Variants in ZFP2 observed in about 807,000 individuals in gnomAD.
The protein encoded by ZFP2 is ZFP2 zinc finger protein.
In ZFP2, 33 loss-of-function variants were observed where a neutral mutation model predicts 36.1. That is an observed-to-expected ratio of 0.92 (90% CI 0.69 to 1.22). The LOEUF (loss-of-function observed/expected upper bound fraction) is 1.22, where lower values mean the gene tolerates loss of function less well. Among genes scored for constraint, ZFP2 ranks in the 50% most tolerant of loss-of-function variants. The probability of loss-of-function intolerance (pLI) is 0.00; values close to 1 mark genes in which losing one functional copy is unlikely to be tolerated. For synonymous variants in ZFP2, 170 were observed against 178.0 expected, an observed-to-expected ratio of 0.96 and a Z score of 0.36; for missense variants, 522 against 551.4, an observed-to-expected ratio of 0.95 and a Z score of 0.53.
intron 1 of ZFP2, among the ~76,000 whole-genome samples, chr5:178,909,324 C>T (rs1329717831): frequency 6.6e-6 from 1 of 152,224 alleles, no homozygotes; most frequent in African/African-American, 2.4e-5. Flanking sequence ...GAACATGTTC[C>T]ATATGCTTCA....
At chr5:178,923,970 A>G (rs1758612220) in intron 4 of ZFP2, among the ~76,000 whole-genome samples, 1 of 149,400 alleles carries the variant, frequency 6.7e-6, no homozygotes, top group African/African-American at 2.4e-5. Flanking sequence ...TGACTGTTCA[A>G]CAAAAACCTA....
At chr5:178,921,862 A>G (rs1218762507) in intron 4 of ZFP2, among the ~76,000 whole-genome samples, 2 of 149,450 alleles carry the variant, frequency 1.3e-5, no homozygotes, top group Non-Finnish European at 3.0e-5. Context: ...GTTCGGGTTT[A>G]TCAGTGGAAG....
At chr5:178,897,041 T>C (rs918765259) in intron 1 of ZFP2, among the ~76,000 whole-genome samples, 2 of 102,700 alleles carry the variant, frequency 1.9e-5, no homozygotes, top group Admixed American at 8.6e-5. Context: ...TTTTCTTTTT[T>C]CTTTTTTTTT....
intron 1 of ZFP2, chr5:178,909,748 T>C (rs1758249329): frequency 1.3e-6 from 2 of 1,558,046 alleles, no homozygotes. Context: ...GGCCTTGAGC[T>C]GAGTGCACCT....
At chr5:178,896,389 G>A (rs1455776201) in intron 1 of ZFP2, among the ~76,000 whole-genome samples, 2 of 152,008 alleles carry the variant, frequency 1.3e-5, no homozygotes, top group Non-Finnish European at 2.9e-5. Flanking sequence ...GCTTTGTCCC[G>A]GGACACGCTG....
At chr5:178,911,441 G>A (rs1758296512) in intron 1 of ZFP2, among the ~76,000 whole-genome samples, 2 of 151,834 alleles carry the variant, frequency 1.3e-5, no homozygotes, top group Admixed American at 6.6e-5. Context: ...CTCTACCTTC[G>A]CCACCCCTGA....
chr5:178,916,313 G>A (rs1758430318), intron 3 of ZFP2, among the ~76,000 whole-genome samples: 1 of 152,322 alleles, frequency 6.6e-6, no homozygotes, highest in Admixed American at 6.5e-5. Flanking sequence ...AAGTGAAGAG[G>A]AAGCAAGCAA....
At chr5:178,928,835 G>T (rs1214733824) in intron 4 of ZFP2, among the ~76,000 whole-genome samples, 2 of 152,232 alleles carry the variant, frequency 1.3e-5, no homozygotes, top group South Asian at 4.1e-4. Flanking sequence ...CACTGCCCTA[G>T]TATAGGTTCT....
chr5:178,916,995 C>A (rs1483480386), intron 4 of ZFP2, among the ~76,000 whole-genome samples: 1 of 152,098 alleles, frequency 6.6e-6, no homozygotes, highest in Non-Finnish European at 1.5e-5. Flanking sequence ...TCCTGTTTTA[C>A]AAAAGATGAA....
Position 178,918,131 on chromosome 5 carries a change from C to G in ZFP2, c.-78+1421C>G, listed in dbSNP as rs987604129. ...AGGTATACCACTTACTTATTGTCTC[C>G]CTTTCTCTTGCTAAAATATGTTTCA... On this transcript the variant is annotated intron_variant, in intron 4 of 4. Transcript: ENST00000361362. Among the ~76,000 whole-genome samples, 4 of 152,130 alleles carry G rather than the reference C, an allele frequency of 2.6e-5. No individual in the cohort carries two copies. The East Asian group carries it at 7.7e-4, about 29-fold the overall frequency.
Position 178,931,236 on chromosome 5 carries a change from G to A in ZFP2, c.-77-1G>A. The A allele has an allele frequency of 6.7e-7, 1 of 1,495,420 alleles. No homozygotes were observed. The highest frequency in any genetic ancestry group is 8.9e-7 in the Non-Finnish European group (1 of 1,126,228). 92.6% of individuals were successfully genotyped at this position (1,495,420 alleles called of 1,614,324 possible). On this transcript the variant is annotated splice_acceptor_variant, in intron 4 of 4. Transcript: ENST00000361362. LOFTEE classifies it low-confidence loss of function (5UTR_SPLICE). The stretch of plus-strand genomic sequence containing the variant: ...GCATTTGAATTTTTTTTTTTTTTCA[G>A]ACTGGGAGACAAGACTTGAAACCAA...
Position 178,931,305 on chromosome 5 carries a change from G to A in ZFP2, c.-9G>A. The A allele has an allele frequency of 6.3e-7, 1 of 1,575,676 alleles. No homozygotes were observed. Among genetic ancestry groups the A allele is most frequent in the Non-Finnish European group, 8.6e-7 (1 of 1,163,466 alleles). On this transcript the variant is annotated 5_prime_UTR_variant, in exon 5 of 5. It removes an upstream start codon present in the reference 5' UTR. Coordinates refer to ENST00000361362, the MANE Select transcript of ZFP2 (RefSeq NM_030613.4). ...GGGTATTACTGAAGATTTATGCCAT[G>A]GGGTAACAATGGAAAGGGAAGGTAT... is the stretch of plus-strand genomic sequence containing the variant.
intron 4 of ZFP2, among the ~76,000 whole-genome samples, chr5:178,928,931 C>T (rs1411329922): frequency 6.6e-6 from 1 of 152,244 alleles, no homozygotes; most frequent in Non-Finnish European, 1.5e-5. Flanking sequence ...TAGAGTTTCC[C>T]AAGCCTTAAC....
intron 1 of ZFP2, among the ~76,000 whole-genome samples, chr5:178,902,635 G>C (rs1171418815): frequency 6.6e-6 from 1 of 152,134 alleles, no homozygotes; most frequent in Non-Finnish European, 1.5e-5. Context: ...AATTTGAATG[G>C]CTGATACAGT....
intron 1 of ZFP2, among the ~76,000 whole-genome samples, chr5:178,903,916 G>A (rs1420376015): frequency 6.6e-6 from 1 of 152,160 alleles, no homozygotes; most frequent in Non-Finnish European, 1.5e-5. Context: ...GGTTGAACCC[G>A]GGAGGTGAAG....
Position 178,932,374 on chromosome 5 carries a change from A to C in ZFP2, c.1061A>C (p.Tyr354Ser), listed in dbSNP as rs1224678565. The change falls in exon 5 of 5, where the codon TAT (tyrosine) becomes TCT (serine). Residue 354 changes from tyrosine to serine, a missense_variant. Transcript: ENST00000361362. ...AGAATTCACACTGGAGAGAAACCTT[A>C]TGAGTGTATGGTGTGTGGAAAACAT... ...HRRIHTGEKP[Y>S]ECMVCGKHFT... 6.2e-7 allele frequency: 1 copy of C among 1,614,146 alleles called. No individual in the cohort carries two copies. The highest frequency in any genetic ancestry group is 1.1e-5 in the South Asian group (1 of 91,080).
chr5:178,920,547 G>T (rs1232175819), intron 4 of ZFP2, among the ~76,000 whole-genome samples: 1 of 151,716 alleles, frequency 6.6e-6, no homozygotes, highest in South Asian at 2.1e-4. Context: ...TGAGGCAGGA[G>T]AATCGCTTGA....
intron 1 of ZFP2, among the ~76,000 whole-genome samples, chr5:178,911,537 G>C (rs6872794): frequency 0.36 from 55,091 of 151,918 alleles, 10,208 homozygotes; most frequent in East Asian, 0.5. Context: ...TGATGATCCA[G>C]TTCCATTTAA....
At chr5:178,897,835 T>A (rs1476108454) in intron 1 of ZFP2, among the ~76,000 whole-genome samples, 3 of 152,188 alleles carry the variant, frequency 2.0e-5, no homozygotes, top group Non-Finnish European at 4.4e-5. Context: ...CAGTAGGTGG[T>A]CAACAATGTA....
Sources: allele counts gnomAD v4.1 joint callset (sites outside exome capture counted in the v4.1 genomes callset), GRCh38; gene constraint gnomAD v4.1.1; transcripts MANE v1.5; gene names NCBI Gene and HGNC (gene_info 2026-07-23, HGNC 2026-07-21).